ELAVL3: variants seen among roughly 807,000 people sequenced by gnomAD.
ELAVL3 encodes the protein ELAV-like protein 3.
ELAVL3 carries 8 observed loss-of-function variants against 34.2 expected under a neutral mutation model. That is an observed-to-expected ratio of 0.23 (90% CI 0.14 to 0.42). ELAVL3 has a LOEUF of 0.42. Ranked by LOEUF, ELAVL3 falls within the 10% of genes least tolerant of loss-of-function variation. ELAVL3 has a pLI of 1.00. For missense variants in ELAVL3, 273 were observed against 518.8 expected, an observed-to-expected ratio of 0.53 and a Z score of 4.60; for synonymous variants, 209 against 222.1, an observed-to-expected ratio of 0.94 and a Z score of 0.53.
intron 1 of ELAVL3, among the ~76,000 whole-genome samples, chr19:11,467,480 T>A (rs1166111931): frequency 6.6e-6 from 1 of 151,504 alleles, no homozygotes; most frequent in Non-Finnish European, 1.5e-5. Flanking sequence ...ACAGTAGCTT[T>A]CTTTGTTTTT....
intron 1 of ELAVL3, among the ~76,000 whole-genome samples, chr19:11,472,941 C>G (rs1971194069): frequency 6.6e-6 from 1 of 151,932 alleles, no homozygotes. Context: ...GTGGTGGGCA[C>G]CTGTAATCCC....
chr19:11,456,233 T>C lies in ELAVL3; in HGVS notation c.752+877A>G, dbSNP rs151179684. Among the ~76,000 whole-genome samples, 406 of 151,230 alleles carry C rather than the reference T, an allele frequency of 2.7e-3. 3 individuals carry two copies. Among genetic ancestry groups the C allele is most frequent in the African/African-American group, 9.4e-3 (387 of 41,176 alleles). ...CAGTTCTCTGCCTCAGCCTCCCGAG[T>C]AGCTGGGATTACAGGCGCCTGCCAC... On this transcript the variant is annotated intron_variant, in intron 6 of 6. Coordinates refer to ENST00000359227, the MANE Select transcript of ELAVL3 (RefSeq NM_001420.4).
At chr19:11,456,411 C>G (rs568365826) in intron 6 of ELAVL3, among the ~76,000 whole-genome samples, 32 of 151,332 alleles carry the variant, frequency 2.1e-4, no homozygotes, top group African/African-American at 6.8e-4. Context: ...GCCTCTGTTA[C>G]CCCTTCTACT....
intron 1 of ELAVL3, among the ~76,000 whole-genome samples, chr19:11,467,815 G>C (rs1004786681): frequency 7.0e-6 from 1 of 142,278 alleles, no homozygotes; most frequent in African/African-American, 2.6e-5. Context: ...TTAGAAAAAG[G>C]GTCTCGCTCT....
At chr19:11,462,148 C>A (rs1237144936) in intron 3 of ELAVL3, among the ~76,000 whole-genome samples, 1 of 134,280 alleles carries the variant, frequency 7.4e-6, no homozygotes, top group African/African-American at 3.1e-5. Flanking sequence ...GCACTCCAGC[C>A]TGGGCAACAG....
rs1971352469 is a variant in ELAVL3 at position 11,480,418 on chromosome 19, G to A, written c.9+182C>T. ...GGCCCTCTCAGACCAAGCTCTAAGCGCCCTCAGCACTCTGGGCGCGGCCCT... is the reference window on the plus strand; with the variant it reads ...GGCCCTCTCAGACCAAGCTCTAAGCACCCTCAGCACTCTGGGCGCGGCCCT... On this transcript the variant is annotated intron_variant, in intron 1 of 6. Coordinates refer to ENST00000359227, the MANE Select transcript of ELAVL3 (RefSeq NM_001420.4). The surrounding 1 kb of genome is among the most constrained non-coding windows in gnomAD (Gnocchi z 6.8). The A allele has an allele frequency of 3.1e-6, 2 of 635,476 alleles. No individual in the cohort carries two copies. Among genetic ancestry groups the A allele is most frequent in the African/African-American group, 1.9e-5 (1 of 52,186 alleles). 39.4% of individuals were successfully genotyped at this position (635,476 alleles called of 1,614,324 possible).
chr19:11,462,162 G>C (rs374355650), intron 3 of ELAVL3, among the ~76,000 whole-genome samples: 1 of 129,712 alleles, frequency 7.7e-6, no homozygotes, highest in South Asian at 2.3e-4. Context: ...GCAACAGAGC[G>C]AGACTCCGTC....
At chr19:11,465,468 T>C (rs1324860405) in intron 3 of ELAVL3, among the ~76,000 whole-genome samples, 2 of 152,172 alleles carry the variant, frequency 1.3e-5, no homozygotes, top group Non-Finnish European at 2.9e-5. Flanking sequence ...TCGTTGGCCA[T>C]GAAGGGACCC....
intron 3 of ELAVL3, among the ~76,000 whole-genome samples, chr19:11,464,103 C>CTCTCTCTG (rs1970949903): frequency 1.4e-5 from 2 of 143,496 alleles, no homozygotes; most frequent in South Asian, 2.1e-4. Flanking sequence ...CTCTCCCTCT[C>CTCTCTCTG]TCTCTCTCTG....
intron 1 of ELAVL3, among the ~76,000 whole-genome samples, chr19:11,479,031 C>T (rs536094885): frequency 4.6e-5 from 7 of 152,318 alleles, no homozygotes; most frequent in South Asian, 2.1e-4. Context: ...CCCCAGGGCT[C>T]GCTCACTGGA....
chr19:11,469,766 G>C (rs1971126825), intron 1 of ELAVL3, among the ~76,000 whole-genome samples: 1 of 152,152 alleles, frequency 6.6e-6, no homozygotes, highest in African/African-American at 2.4e-5. Flanking sequence ...ACTCTAAAAT[G>C]GTAGAAGTTG....
At chr19:11,459,712 C>T (rs1484350458) in intron 3 of ELAVL3, among the ~76,000 whole-genome samples, 2 of 152,108 alleles carry the variant, frequency 1.3e-5, no homozygotes, top group African/African-American at 2.4e-5. Context: ...CATGCCTGGC[C>T]TATTTTTATT....
At chr19:11,474,387 G>C (rs988205504) in intron 1 of ELAVL3, among the ~76,000 whole-genome samples, 3 of 152,110 alleles carry the variant, frequency 2.0e-5, no homozygotes, top group Non-Finnish European at 4.4e-5. Flanking sequence ...ACGAGGTCAG[G>C]AGTTCCAGAC....
At chr19:11,479,528 C>T (rs1450905958) in intron 1 of ELAVL3, among the ~76,000 whole-genome samples, 1 of 151,726 alleles carries the variant, frequency 6.6e-6, no homozygotes, top group Non-Finnish European at 1.5e-5. Flanking sequence ...AGCGGAGTCG[C>T]GCGGCAGGGG....
chr19:11,465,047 A>ACAC (rs1491328941), intron 3 of ELAVL3, among the ~76,000 whole-genome samples: 11 of 108,376 alleles, frequency 1.0e-4, no homozygotes, highest in African/African-American at 3.6e-4. Context: ...CACCACACAC[A>ACAC]TACACACATA....
At chr19:11,461,131 A>G (rs1274381306) in intron 3 of ELAVL3, among the ~76,000 whole-genome samples, 1 of 151,976 alleles carries the variant, frequency 6.6e-6, no homozygotes, top group Non-Finnish European at 1.5e-5. Flanking sequence ...GTGAGCTATG[A>G]TCACACCACT....
Position 11,454,529 on chromosome 19 carries a change from C to A in ELAVL3, c.1101G>T (p.Ala367=), listed in dbSNP as rs139974609. 2 of 1,601,188 alleles carry A rather than the reference C, an allele frequency of 1.2e-6. No homozygotes were observed. The highest frequency in any genetic ancestry group is 1.3e-5 in the African/African-American group (1 of 74,798). ...TGGGAGGGCAGGCGGGGTGGGCTCA[C>A]GCCTTGTGCTGTTTGCTGGTCTTGA... The part of the protein sequence containing the change: ...VSFKTSKQHK[A] Residue 367 remains alanine (A), a synonymous_variant, in exon 7 of 7, where the codon GCG becomes GCT. Coordinates refer to ENST00000359227, the MANE Select transcript of ELAVL3 (RefSeq NM_001420.4). This position sits in a 1 kb window ranked among gnomAD's most constrained non-coding sequence, Gnocchi z 9.2.
chr19:11,468,841 T>C (rs1971107671), intron 1 of ELAVL3, among the ~76,000 whole-genome samples: 1 of 152,216 alleles, frequency 6.6e-6, no homozygotes, highest in East Asian at 1.9e-4. Flanking sequence ...CTTTTATTCC[T>C]AGATCCTAAG....
chr19:11,478,656 T>A (rs907823744), intron 1 of ELAVL3, among the ~76,000 whole-genome samples: 1 of 152,210 alleles, frequency 6.6e-6, no homozygotes, highest in Non-Finnish European at 1.5e-5. Context: ...TCTTCTCCAC[T>A]GTCCTGCCCT....
Sources: allele counts gnomAD v4.1 joint callset (sites outside exome capture counted in the v4.1 genomes callset), GRCh38; gene constraint gnomAD v4.1.1; non-coding constraint Gnocchi (gnomAD v3.1); transcripts MANE v1.5; gene names NCBI Gene and HGNC (gene_info 2026-07-23, HGNC 2026-07-21).